The following SLC12A7 variants were observed in gnomAD, a reference collection of about 807,000 sequenced individuals.
The protein encoded by SLC12A7 is solute carrier family 12 member 7.
Under a neutral mutation model 120.6 loss-of-function variants are expected in SLC12A7, and 100 were observed. That is an observed-to-expected ratio of 0.83 (90% CI 0.71 to 0.98). The LOEUF (loss-of-function observed/expected upper bound fraction) is 0.98, where lower values mean the gene tolerates loss of function less well. SLC12A7 is among the 50% of genes least tolerant of loss of function. The pLI is 0.00. For synonymous variants in SLC12A7, 760 were observed against 678.0 expected (o/e 1.12, Z -1.88); for missense variants, 1,373 against 1,548.1 (o/e 0.89, Z 1.90).
the SLC12A7 span, among the ~76,000 whole-genome samples, chr5:1,137,650 G>T: frequency 6.6e-6 from 1 of 152,220 alleles, no homozygotes. Context: ...GGCAAACAGG[G>T]CCCGCCCCAG....
intron 1 of SLC12A7, among the ~76,000 whole-genome samples, chr5:1,105,697 T>A (rs1373153343): frequency 1.3e-5 from 2 of 152,246 alleles, no homozygotes; most frequent in East Asian, 1.9e-4. Context: ...ATTAACCCTT[T>A]GTGCTCTGCC....
the SLC12A7 span, among the ~76,000 whole-genome samples, chr5:1,129,508 G>A: frequency 6.6e-6 from 1 of 152,130 alleles, no homozygotes; most frequent in African/African-American, 2.4e-5. Flanking sequence ...CAGCTTTCCT[G>A]TGACGCCCAG....
At chr5:1,074,484 A>C (rs1738095458) in intron 16 of SLC12A7, 83 bp downstream of exon 16, 1 of 1,276,322 alleles carries the variant, frequency 7.8e-7, no homozygotes, top group Non-Finnish European at 1.1e-6. Flanking sequence ...GGCCCCTGAG[A>C]CTCAAAGGTC....
chr5:1,123,916 T>C, the SLC12A7 span, among the ~76,000 whole-genome samples: 18 of 152,366 alleles, frequency 1.2e-4, no homozygotes, highest in African/African-American at 3.6e-4. Flanking sequence ...AATTGCCTCA[T>C]TGAAACCTTA....
chr5:1,108,424 C>T (rs1231758900), intron 1 of SLC12A7, among the ~76,000 whole-genome samples: 1 of 152,238 alleles, frequency 6.6e-6, no homozygotes, highest in Admixed American at 6.5e-5. Context: ...TCACCACATA[C>T]CCATGACCTT....
At chr5:1,145,705 T>C in the SLC12A7 span, among the ~76,000 whole-genome samples, 1 of 152,152 alleles carries the variant, frequency 6.6e-6, no homozygotes, top group Non-Finnish European at 1.5e-5. This position sits in a 1 kb window ranked among gnomAD's most constrained non-coding sequence, Gnocchi z 4.4. Context: ...TGTGAATTGA[T>C]TTAATCAAAC....
At chr5:1,073,523 CG>C in intron 17 of SLC12A7, 109 bp downstream of exon 17, 2 of 1,213,780 alleles carry the variant, frequency 1.6e-6, no homozygotes, top group Non-Finnish European at 2.2e-6. Flanking sequence ...AACACAGCAG[CG>C]CCACGCACAG....
At chr5:1,064,855 A>ATGG (rs1736795181) in intron 18 of SLC12A7, among the ~76,000 whole-genome samples, 1 of 131,348 alleles carries the variant, frequency 7.6e-6, no homozygotes, top group Non-Finnish European at 1.7e-5. Flanking sequence ...CGGCGAGGAG[A>ATGG]CGGCGAGGGG....
rs746616440 is a variant in SLC12A7, at chr5:1,093,664, C to T, written c.220-9G>A. The T allele has an allele frequency of 2.7e-5, 44 of 1,612,474 alleles. No individual in the cohort carries two copies. The highest frequency in any genetic ancestry group is 1.6e-4 in the Middle Eastern group (1 of 6,068). ...TTACTGTCCATCTCCTCCTGCGCGG[C>T]GTGGACATGGTCACAGGCGGCCCGC... is the stretch of plus-strand genomic sequence containing the variant. On this transcript the variant is annotated splice_polypyrimidine_tract_variant and intron_variant, in intron 2 of 23. Transcript: ENST00000264930.
intron 6 of SLC12A7, among the ~76,000 whole-genome samples, 156 bp from the exon 7 acceptor site, chr5:1,085,629 C>G (rs891334725): frequency 6.7e-6 from 1 of 148,166 alleles, no homozygotes; most frequent in African/African-American, 2.6e-5. Flanking sequence ...CGGGGGTCAG[C>G]GCACAGGCAA....
Position 1,055,458 on chromosome 5 carries a change from C to T in SLC12A7, c.3027-1976G>A, listed in dbSNP as rs1020348010. Among the ~76,000 whole-genome samples the T allele has an allele frequency of 4.6e-5, 7 of 152,344 alleles. 1 individual carries two copies. Among genetic ancestry groups the T allele is most frequent in the Admixed American group, 6.5e-5 (1 of 15,306 alleles). ...ACGCACATCTCACGCCCGCACTGCC[C>T]AGAAGAGGTCAGGGCCGACCTCCAG... On this transcript the variant is annotated intron_variant, in intron 22 of 23. Coordinates refer to ENST00000264930, the MANE Select transcript of SLC12A7 (RefSeq NM_006598.3).
At chr5:1,066,576 G>A (rs1016994703) in intron 17 of SLC12A7, among the ~76,000 whole-genome samples, 2 of 152,220 alleles carry the variant, frequency 1.3e-5, no homozygotes, top group African/African-American at 4.8e-5. Context: ...ACCTGAGAAT[G>A]CAACCTTATT....
At chr5:1,097,131 A>G (rs1191224452) in intron 1 of SLC12A7, among the ~76,000 whole-genome samples, 1 of 152,168 alleles carries the variant, frequency 6.6e-6, no homozygotes, top group East Asian at 1.9e-4. Context: ...TCCCTTCTGG[A>G]AAGCACAGGT....
Position 1,081,728 on chromosome 5 carries a change from C to G in SLC12A7, c.1146G>C (p.Thr382=). Residue 382 remains threonine (T), a synonymous_variant, in exon 9 of 24, where the codon ACG becomes ACC. Transcript: ENST00000264930. The part of the protein sequence containing the change: ...SGVFLENLWS[T]YAHAGAFVEK... The stretch of plus-strand genomic sequence containing the variant: ...CCACAAACGCCCCCGCGTGCGCGTA[C>G]GTACTCCACAGGTTCTCTGCCGGGC... 6.2e-7 allele frequency: 1 copy of G among 1,612,678 alleles called. No individual in the cohort carries two copies. Among genetic ancestry groups the G allele is most frequent in the Non-Finnish European group, 8.5e-7 (1 of 1,179,792 alleles).
chr5:1,089,734 G>A (rs981446671), intron 3 of SLC12A7, among the ~76,000 whole-genome samples: 2 of 152,236 alleles, frequency 1.3e-5, no homozygotes, highest in African/African-American at 4.8e-5. Context: ...GCCTGCTTCA[G>A]ACACCTGTGC....
the SLC12A7 span, among the ~76,000 whole-genome samples, chr5:1,118,274 CCT>C: frequency 6.6e-6 from 1 of 152,220 alleles, no homozygotes; most frequent in Admixed American, 6.5e-5. Context: ...CTGTAATTCC[CCT>C]GTCTTGATCC....
In SLC12A7 at chr5:1,108,671, G is replaced by T. The variant is rs62331223; in HGVS notation, c.124+3197C>A. Among the ~76,000 whole-genome samples, 191 of 152,336 alleles carry T rather than the reference G, an allele frequency of 1.3e-3. 1 individual carries two copies. Among genetic ancestry groups the T allele is most frequent in the Non-Finnish European group, 2.1e-3 (141 of 68,034 alleles). On this transcript the variant is annotated intron_variant, in intron 1 of 23. Coordinates refer to ENST00000264930, the MANE Select transcript of SLC12A7 (RefSeq NM_006598.3). Reference sequence around the variant, plus strand: ...CCCCCAAGTCCCTGCATCCCCAAAGGGGACCCCAGATCAGCACGACCGGCG... The same window carrying T: ...CCCCCAAGTCCCTGCATCCCCAAAGTGGACCCCAGATCAGCACGACCGGCG...
At chr5:1,098,131 A>ACCCTCTGCAT (rs1741508256) in intron 1 of SLC12A7, among the ~76,000 whole-genome samples, 1 of 17,830 alleles carries the variant, frequency 5.6e-5, no homozygotes, top group Non-Finnish European at 9.8e-5. Flanking sequence ...ACCCTCTGCA[A>ACCCTCTGCAT]GCCCAGCCCC....
intron 1 of SLC12A7, among the ~76,000 whole-genome samples, chr5:1,097,806 A>C (rs1055253693): frequency 6.6e-6 from 1 of 152,148 alleles, no homozygotes; most frequent in African/African-American, 2.4e-5. Flanking sequence ...GCCTCAGAGC[A>C]TGATTACAAC....
Sources: allele counts gnomAD v4.1 joint callset (sites outside exome capture counted in the v4.1 genomes callset), GRCh38; gene constraint gnomAD v4.1.1; non-coding constraint Gnocchi (gnomAD v3.1); transcripts MANE v1.5; gene names NCBI Gene and HGNC (gene_info 2026-07-23, HGNC 2026-07-21).